ATP2B2: variants seen among roughly 807,000 people sequenced by gnomAD.
ATP2B2 encodes plasma membrane calcium-transporting ATPase 2.
ATP2B2 carries 15 observed loss-of-function variants against 120.0 expected under a neutral mutation model. The ratio of observed to expected loss-of-function variants is 0.12; its 90% confidence interval spans 0.08 to 0.19. ATP2B2 has a LOEUF of 0.19. ATP2B2 is among the 10% of genes least tolerant of loss of function. ATP2B2 has a pLI of 1.00. For missense variants in ATP2B2, 1,045 were observed against 1,719.8 expected (o/e 0.61, Z 6.94); for synonymous variants, 694 against 700.3 (o/e 0.99, Z 0.14).
At chr3:10,552,711 G>A (rs2067695924) in intron 2 of ATP2B2, among the ~76,000 whole-genome samples, 1 of 152,208 alleles carries the variant, frequency 6.6e-6, no homozygotes, top group Non-Finnish European at 1.5e-5. Flanking sequence ...GGCAGAGCTG[G>A]GGTTCCAACC....
At chr3:10,415,487 G>A (rs185419298) in intron 2 of ATP2B2, among the ~76,000 whole-genome samples, 222 of 152,294 alleles carry the variant, frequency 1.5e-3, no homozygotes, top group African/African-American at 5.2e-3. Context: ...GTGACATGAA[G>A]GATTGGTCTG....
At chr3:10,558,316 T>A (rs1340380120) in intron 2 of ATP2B2, among the ~76,000 whole-genome samples, 2 of 152,202 alleles carry the variant, frequency 1.3e-5, no homozygotes, top group African/African-American at 4.8e-5. Context: ...GACTGGTTCA[T>A]GGAAGTGCAC....
Position 10,343,074 on chromosome 3 carries a change from C to T in ATP2B2, c.2704-109G>A, listed in dbSNP as rs552562903. On this transcript the variant is annotated intron_variant, in intron 18 of 22. Transcript: ENST00000360273. This position sits in a 1 kb window ranked among gnomAD's most constrained non-coding sequence, Gnocchi z 4.2. ...CAGGCTCCTGCTGGAGGCTGGAGTC[C>T]GACCTGCCCCTTGGCTCCCCAGCAG... The T allele has an allele frequency of 1.2e-4, 143 of 1,150,300 alleles. No homozygotes were observed. Among genetic ancestry groups the T allele is most frequent in the Non-Finnish European group, 1.6e-4 (128 of 790,122 alleles). The allele number at this position is 1,150,300 out of a possible 1,614,324, so 71.3% of individuals were successfully genotyped here.
chr3:10,388,367 C>T lies in ATP2B2; in HGVS notation c.817G>A (p.Val273Met). ...HVMEGSGRML[V>M]TAVGVNSQTG... ...TGAGAGTTCACACCCACAGCAGTCA[C>T]CAACATCCGTCCTGAGCCCTCCATC... The change falls in exon 6 of 23, where the codon GTG (valine) becomes ATG (methionine). Residue 273 changes from valine (V) to methionine (M), a missense_variant. By Grantham distance (21) the Val-to-Met change is conservative. Transcript: ENST00000360273. 6.2e-7 allele frequency: 1 copy of T among 1,614,164 alleles called. No individual in the cohort carries two copies. The highest frequency in any genetic ancestry group is 8.5e-7 in the Non-Finnish European group (1 of 1,180,024).
chr3:10,657,166 T>C (rs1015767759), intron 1 of ATP2B2, among the ~76,000 whole-genome samples: 1 of 152,176 alleles, frequency 6.6e-6, no homozygotes, highest in African/African-American at 2.4e-5. Flanking sequence ...GAGACTCAGG[T>C]GGAAGCAGGG....
intron 2 of ATP2B2, among the ~76,000 whole-genome samples, chr3:10,614,897 C>T (rs113848721): frequency 1.7e-4 from 26 of 152,318 alleles, no homozygotes; most frequent in African/African-American, 6.0e-4. Flanking sequence ...AGAGAAGAGA[C>T]TTTGCTATAA....
intron 14 of ATP2B2, among the ~76,000 whole-genome samples, chr3:10,357,321 T>A (rs566558345): frequency 2.6e-5 from 4 of 152,290 alleles, no homozygotes; most frequent in African/African-American, 9.6e-5. Flanking sequence ...GTTATGTAAC[T>A]GGTTCAACGT....
In ATP2B2 at chr3:10,328,931, G is replaced by A. The variant is rs755513201; in HGVS notation, c.3615C>T (p.Ser1205=). The A allele has an allele frequency of 3.7e-6, 6 of 1,613,966 alleles. No homozygotes were observed. Among genetic ancestry groups the A allele is most frequent in the Non-Finnish European group, 5.1e-6 (6 of 1,179,994 alleles). Residue 1205 remains serine, a synonymous_variant, in exon 23 of 23, where the codon TCC becomes TCT. Coordinates refer to ENST00000360273, the MANE Select transcript of ATP2B2 (RefSeq NM_001001331.4). ...CGATGGCGCTGTTGTTCTTGTTGAG[G>A]GATGACGGCGGGCTCGAGTTCTGCT... The part of the protein sequence containing the change: ...ALKQNSSPPS[S]LNKNNSAIDS...
At chr3:10,345,280 C>T (rs974594822) in intron 18 of ATP2B2, 104 bp downstream of exon 18, 137 of 1,341,616 alleles carry the variant, frequency 1.0e-4, no homozygotes, top group Non-Finnish European at 1.3e-4. Context: ...GCCTCATCCC[C>T]GGCTGTTCTG....
At chr3:10,508,625 G>C (rs1204862169), upstream of ATP2B2, among the ~76,000 whole-genome samples, 6 of 152,252 alleles carry the variant, frequency 3.9e-5, no homozygotes, top group Non-Finnish European at 7.3e-5. Context: ...TCTGGCTGCA[G>C]ACATCTGTCC....
chr3:10,571,392 G>C (rs1490291205), intron 2 of ATP2B2, among the ~76,000 whole-genome samples: 1 of 152,222 alleles, frequency 6.6e-6, no homozygotes, highest in Non-Finnish European at 1.5e-5. Context: ...AGAACCCACT[G>C]TACCACACAA....
intron 2 of ATP2B2, among the ~76,000 whole-genome samples, chr3:10,608,935 A>G (rs7613539): frequency 0.92 from 140,333 of 152,236 alleles, 64,847 homozygotes; most frequent in African/African-American, 0.98. Context: ...AATGAGGGAA[A>G]GAGCTCAGGT....
chr3:10,541,767 G>C (rs1287917326), intron 2 of ATP2B2, among the ~76,000 whole-genome samples: 2 of 152,148 alleles, frequency 1.3e-5, no homozygotes, highest in Admixed American at 6.5e-5. Flanking sequence ...TTCTATATGT[G>C]TTGATTAGAT....
At chr3:10,469,224 G>A (rs139847344) in intron 1 of ATP2B2, among the ~76,000 whole-genome samples, 2 of 152,324 alleles carry the variant, frequency 1.3e-5, no homozygotes, top group East Asian at 3.9e-4. Flanking sequence ...TAACATTTAT[G>A]GAGCATTCTC....
intron 2 of ATP2B2, among the ~76,000 whole-genome samples, chr3:10,564,534 T>G (rs2125535077): frequency 6.6e-6 from 1 of 152,174 alleles, no homozygotes; most frequent in South Asian, 2.1e-4. Context: ...TCTAAAACGT[T>G]CCCTTCCCCT....
intron 1 of ATP2B2, among the ~76,000 whole-genome samples, chr3:10,624,577 A>G (rs1470275672): frequency 2.6e-5 from 4 of 152,194 alleles, no homozygotes; most frequent in Non-Finnish European, 5.9e-5. Flanking sequence ...TGAGGTTTTA[A>G]GTATTTAGCA....
intron 2 of ATP2B2, among the ~76,000 whole-genome samples, chr3:10,536,661 G>A (rs1431889802): frequency 6.6e-6 from 1 of 151,988 alleles, no homozygotes; most frequent in Non-Finnish European, 1.5e-5. Context: ...TGAATAGCTG[G>A]GACTACAAGT....
intron 2 of ATP2B2, among the ~76,000 whole-genome samples, chr3:10,441,332 C>T (rs561210503): frequency 2.0e-5 from 3 of 152,152 alleles, no homozygotes; most frequent in Admixed American, 6.5e-5. Context: ...CTCTGCCTCC[C>T]GGGTTCAAGT....
chr3:10,484,878 A>G (rs906198482), intron 1 of ATP2B2, among the ~76,000 whole-genome samples: 1 of 152,246 alleles, frequency 6.6e-6, no homozygotes, highest in East Asian at 1.9e-4. Flanking sequence ...GTCTGCGCAG[A>G]TTCCTTCACA....
Sources: allele counts gnomAD v4.1 joint callset (sites outside exome capture counted in the v4.1 genomes callset), GRCh38; gene constraint gnomAD v4.1.1; non-coding constraint Gnocchi (gnomAD v3.1); transcripts MANE v1.5; gene names NCBI Gene and HGNC (gene_info 2026-07-23, HGNC 2026-07-21).